Variants in ATP6V1A observed in about 807,000 individuals in gnomAD.
ATP6V1A encodes the protein ATPase H+ transporting V1 subunit A.
In ATP6V1A, 18 loss-of-function variants were observed where a neutral mutation model predicts 70.1. That is an observed-to-expected ratio of 0.26 (90% confidence interval 0.18 to 0.38). ATP6V1A has a LOEUF of 0.38. Among genes scored for constraint, ATP6V1A ranks in the 10% least tolerant of loss-of-function variants. The pLI, the probability that ATP6V1A is intolerant of heterozygous loss-of-function variation, is 1.00. For synonymous variants in ATP6V1A, 232 were observed against 253.8 expected (o/e 0.91, Z 0.82); for missense variants, 424 against 772.4 (o/e 0.55, Z 5.35).
At chr3:113,795,994 C>G in intron 11 of ATP6V1A, 55 bp downstream of exon 11, 1 of 1,421,508 alleles carries the variant, frequency 7.0e-7, no homozygotes, top group Non-Finnish European at 9.7e-7. Context: ...CTCTGCAGCC[C>G]CTGCTGTTCT....
chr3:113,803,842 CT>C (rs1332024577), intron 13 of ATP6V1A, among the ~76,000 whole-genome samples, 165 bp downstream of exon 13: 2 of 152,178 alleles, frequency 1.3e-5, no homozygotes, highest in Admixed American at 6.5e-5. Flanking sequence ...AATATGTCCC[CT>C]ATCTTGATTT....
chr3:113,780,162 G>A (rs1708962430), intron 2 of ATP6V1A, among the ~76,000 whole-genome samples: 1 of 152,130 alleles, frequency 6.6e-6, no homozygotes, highest in Non-Finnish European at 1.5e-5. Context: ...AGTCGGCATA[G>A]AGGTAAATAT....
intron 1 of ATP6V1A, among the ~76,000 whole-genome samples, chr3:113,777,009 G>A (rs969223678): frequency 6.6e-6 from 1 of 152,022 alleles, no homozygotes; most frequent in Non-Finnish European, 1.5e-5. Flanking sequence ...TATATTATTT[G>A]GTACTTTATC....
chr3:113,764,138 G>A (rs547964516), intron 1 of ATP6V1A, among the ~76,000 whole-genome samples: 2 of 152,132 alleles, frequency 1.3e-5, no homozygotes, highest in South Asian at 4.2e-4. Context: ...GGAGGCTAAG[G>A]CAGGAGATTG....
At chr3:113,749,392 T>G (rs898600006) in intron 1 of ATP6V1A, among the ~76,000 whole-genome samples, 1 of 152,244 alleles carries the variant, frequency 6.6e-6, no homozygotes, top group South Asian at 2.1e-4. Context: ...TATTAGGGAA[T>G]TGTGCTATAG....
At chr3:113,758,005 G>A (rs1187362022) in intron 1 of ATP6V1A, among the ~76,000 whole-genome samples, 4 of 152,090 alleles carry the variant, frequency 2.6e-5, no homozygotes, top group African/African-American at 4.8e-5. Flanking sequence ...TTAGCTGGGC[G>A]TGGTGGTGTG....
chr3:113,809,529 C>A lies in ATP6V1A; in HGVS notation c.*102C>A. 2.8e-6 allele frequency: 3 copies of A among 1,054,036 alleles called. No homozygotes were observed. The highest frequency in any genetic ancestry group is 1.5e-5 in the South Asian group (1 of 67,982). 65.3% of individuals were successfully genotyped at this position (1,054,036 alleles called of 1,614,324 possible). On this transcript the variant is annotated 3_prime_UTR_variant, in exon 15 of 15. Coordinates refer to ENST00000273398, the MANE Select transcript of ATP6V1A (RefSeq NM_001690.4). ...TCAAACCCTTTGCTTCTTTATTGTG[C>A]AGCTTTGAGACTAGTGCCTATGTGT...
At chr3:113,767,740 C>T (rs566449758) in intron 1 of ATP6V1A, among the ~76,000 whole-genome samples, 15 of 152,100 alleles carry the variant, frequency 9.9e-5, no homozygotes, top group African/African-American at 3.4e-4. Context: ...CAACCTCCGC[C>T]TCCTGGGTTC....
chr3:113,800,332 A>G (rs1709197663), intron 12 of ATP6V1A, among the ~76,000 whole-genome samples: 1 of 152,196 alleles, frequency 6.6e-6, no homozygotes, highest in Admixed American at 6.5e-5. Context: ...AACCTTAAAT[A>G]AGAATAGTAA....
At chr3:113,782,593 T>C (rs1708991427) in intron 3 of ATP6V1A, among the ~76,000 whole-genome samples, 1 of 147,410 alleles carries the variant, frequency 6.8e-6, no homozygotes, top group South Asian at 2.1e-4. Flanking sequence ...TACACATATA[T>C]ATATATATAC....
intron 8 of ATP6V1A, among the ~76,000 whole-genome samples, chr3:113,790,110 A>G (rs1400565440): frequency 6.6e-6 from 1 of 151,922 alleles, no homozygotes; most frequent in Non-Finnish European, 1.5e-5. Context: ...TCTCTACTAA[A>G]AATACAAAAA....
chr3:113,776,913 T>C (rs535690448), intron 1 of ATP6V1A, among the ~76,000 whole-genome samples: 2 of 152,372 alleles, frequency 1.3e-5, no homozygotes, highest in Non-Finnish European at 2.9e-5. Flanking sequence ...TTGCTACCTT[T>C]CTTTTTCTAC....
intron 14 of ATP6V1A, among the ~76,000 whole-genome samples, chr3:113,808,016 G>C (rs907053103): frequency 6.6e-6 from 1 of 151,694 alleles, no homozygotes; most frequent in African/African-American, 2.4e-5. Flanking sequence ...TGTAATCCCA[G>C]CTACTCAGGA....
chr3:113,789,055 T>TTG (rs1289544009), intron 7 of ATP6V1A, among the ~76,000 whole-genome samples, 180 bp downstream of exon 7: 1 of 152,156 alleles, frequency 6.6e-6, no homozygotes, highest in East Asian at 1.9e-4. Context: ...TTTTAATTTT[T>TTG]TGTGTGTGTG....
At chr3:113,764,020 A>G (rs1013834661) in intron 1 of ATP6V1A, among the ~76,000 whole-genome samples, 1 of 152,104 alleles carries the variant, frequency 6.6e-6, no homozygotes, top group Non-Finnish European at 1.5e-5. Context: ...CGGGAGGATC[A>G]CTTGAGCCCA....
chr3:113,762,121 C>G (rs1209911675), intron 1 of ATP6V1A, among the ~76,000 whole-genome samples: 1 of 130,656 alleles, frequency 7.7e-6, no homozygotes, highest in African/African-American at 2.8e-5. Flanking sequence ...CATTGCACTG[C>G]AGCCTGGGCA....
chr3:113,759,054 G>C (rs773943607), intron 1 of ATP6V1A, among the ~76,000 whole-genome samples: 2 of 152,078 alleles, frequency 1.3e-5, no homozygotes, highest in Non-Finnish European at 2.9e-5. Context: ...CTGGATATAA[G>C]TTCTTTGTCA....
intron 1 of ATP6V1A, among the ~76,000 whole-genome samples, chr3:113,759,987 A>G (rs1407973595): frequency 2.0e-5 from 3 of 152,240 alleles, no homozygotes; most frequent in Non-Finnish European, 4.4e-5. Flanking sequence ...TTTAATCACA[A>G]GAGTAGTAAG....
At chr3:113,791,517 T>C (rs1299764528) in intron 8 of ATP6V1A, among the ~76,000 whole-genome samples, 1 of 152,194 alleles carries the variant, frequency 6.6e-6, no homozygotes, top group Non-Finnish European at 1.5e-5. Flanking sequence ...TATCCTGTAC[T>C]GATATTTATT....
Sources: gnomAD v4.1 joint callset for allele counts (sites outside exome capture counted in the v4.1 genomes callset) on GRCh38, gnomAD v4.1.1 for gene constraint, MANE v1.5 for transcripts, NCBI Gene and HGNC (gene_info 2026-07-23, HGNC 2026-07-21) for gene names.